Variants in KIF21B observed in about 807,000 individuals in gnomAD.
KIF21B encodes kinesin-like protein KIF21B.
In KIF21B, 85 loss-of-function variants were observed where a neutral mutation model predicts 192.9. The observed-to-expected ratio is 0.44, with a 90% CI of 0.37 to 0.53. KIF21B has a LOEUF of 0.53. Ranked by LOEUF, KIF21B falls within the 20% of genes least tolerant of loss-of-function variation. The probability of loss-of-function intolerance (pLI) is 0.00; values close to 1 mark genes in which losing one functional copy is unlikely to be tolerated. For missense variants in KIF21B, 1,716 were observed against 2,194.8 expected (o/e 0.78, Z 4.36); for synonymous variants, 832 against 884.6 (o/e 0.94, Z 1.05).
In KIF21B at chr1:200,990,115, A is replaced by G. The variant is rs747330652; in HGVS notation, c.3030+23T>C. The G allele has an allele frequency of 6.2e-7, 1 of 1,610,864 alleles. No individual in the cohort carries two copies. The highest frequency in any genetic ancestry group is 1.7e-5 in the Admixed American group (1 of 59,926). On this transcript the variant is annotated intron_variant, in intron 20 of 34. Transcript: ENST00000461742. This position sits in a 1 kb window ranked among gnomAD's most constrained non-coding sequence, Gnocchi z 5.4. ...CACCCATCTCTCCCGCCTCCGCCCC[A>G]GCAGGCCCAGCCCTGCGGATACCTT... is the stretch of plus-strand genomic sequence containing the variant.
intron 15 of KIF21B, among the ~76,000 whole-genome samples, chr1:200,994,909 C>T (rs896396178): frequency 9.2e-5 from 14 of 152,364 alleles, no homozygotes; most frequent in African/African-American, 2.9e-4. Context: ...TGAGTCCACA[C>T]TTGAGTCTCA....
rs296564 is a variant in KIF21B, at chr1:200,975,036, C to A, written c.4615-123G>T. On this transcript the variant is annotated intron_variant, in intron 33 of 34. Transcript: ENST00000461742. This position sits in a 1 kb window ranked among gnomAD's most constrained non-coding sequence, Gnocchi z 4.3. ...TCCCCTGGCCTCTAGAGCTGCCACACGGGCGGGTGACACTGGTTCCAGGAG... is the reference window on the plus strand; with the variant it reads ...TCCCCTGGCCTCTAGAGCTGCCACAAGGGCGGGTGACACTGGTTCCAGGAG... 2 of 959,806 alleles carry A rather than the reference C, an allele frequency of 2.1e-6. No individual in the cohort carries two copies. Among genetic ancestry groups the A allele is most frequent in the Admixed American group, 4.4e-5 (2 of 45,716 alleles). 59.5% of individuals were successfully genotyped at this position (959,806 alleles called of 1,614,324 possible). A position where few individuals can be genotyped will look rare whatever the true frequency, so the allele number is the denominator to read the frequency against.
In KIF21B at chr1:200,999,166, A is replaced by C. The variant is rs1336802171; in HGVS notation, c.1885+183T>G. ...GGTTAAGGTAAGCACAGTGCCTGGC[A>C]CCTAATGAACGACCAGGAAGTGTTT... On this transcript the variant is annotated intron_variant, in intron 13 of 34. Transcript: ENST00000461742. This position sits in a 1 kb window ranked among gnomAD's most constrained non-coding sequence, Gnocchi z 4.7. Among the ~76,000 whole-genome samples the C allele has an allele frequency of 6.6e-6, 1 of 152,144 alleles. No individual in the cohort carries two copies. The highest frequency in any genetic ancestry group is 2.4e-5 in the African/African-American group (1 of 41,412).
intron 21 of KIF21B, 151 bp downstream of exon 21, chr1:200,989,791 G>C (rs1020336199): frequency 3.2e-6 from 2 of 615,684 alleles, no homozygotes; most frequent in African/African-American, 3.7e-5. Flanking sequence ...CTTTACAGCT[G>C]TGGCATGGGA....
At chr1:200,977,628 G>T (rs1655644014) in intron 30 of KIF21B, among the ~76,000 whole-genome samples, 2 of 152,128 alleles carry the variant, frequency 1.3e-5, no homozygotes, top group Non-Finnish European at 2.9e-5. Flanking sequence ...AGATGGTAAG[G>T]CTCAGTCATG....
At position 201,000,645 on chromosome 1, in the gene KIF21B, C is replaced by T; in HGVS notation, c.1467-37G>A. 1 of 1,613,068 alleles carries T rather than the reference C, an allele frequency of 6.2e-7. No individual in the cohort carries two copies. The highest frequency in any genetic ancestry group is 1.1e-5 in the South Asian group (1 of 91,074). Reference sequence around the variant, plus strand: ...GAACGAGTGGACGGGGCCGAGTGAGCTGCCACAGCCCTTGGCGTCACCTGG... The same window carrying T: ...GAACGAGTGGACGGGGCCGAGTGAGTTGCCACAGCCCTTGGCGTCACCTGG... On this transcript the variant is annotated intron_variant, in intron 10 of 34. Coordinates refer to ENST00000461742, the MANE Select transcript of KIF21B (RefSeq NM_001252102.2). This position sits in a 1 kb window ranked among gnomAD's most constrained non-coding sequence, Gnocchi z 6.0.
At chr1:200,978,739 T>C (rs1377799929) in intron 30 of KIF21B, among the ~76,000 whole-genome samples, 1 of 152,224 alleles carries the variant, frequency 6.6e-6, no homozygotes, top group Non-Finnish European at 1.5e-5. Flanking sequence ...CAGATTGGAG[T>C]GCAGTGGCAC....
chr1:200,992,190 G>T, intron 16 of KIF21B, 92 bp downstream of exon 16: 1 of 1,069,242 alleles, frequency 9.4e-7, no homozygotes, highest in Non-Finnish European at 1.4e-6. Context: ...GGAGACTGAG[G>T]CCCGCTTGGT....
intron 9 of KIF21B, 91 bp downstream of exon 9, chr1:201,002,070 G>C: frequency 3.5e-6 from 4 of 1,138,230 alleles, no homozygotes; most frequent in Non-Finnish European, 5.1e-6. Context: ...TGACTGGCTG[G>C]CTTAGTCCAC....
intron 27 of KIF21B, among the ~76,000 whole-genome samples, chr1:200,983,603 G>A (rs759900593): frequency 1.3e-5 from 2 of 152,216 alleles, no homozygotes; most frequent in African/African-American, 4.8e-5. Flanking sequence ...CACTGGGACA[G>A]TGCCTAGAAG....
In KIF21B at chr1:200,999,814, G is replaced by T; in HGVS notation, c.1767+69C>A. On this transcript the variant is annotated intron_variant, in intron 12 of 34. Transcript: ENST00000461742. The surrounding 1 kb of genome is among the most constrained non-coding windows in gnomAD (Gnocchi z 4.7). ...TCACTCCATACAAGGATGCGGATGG[G>T]GCCCCCGCCAACCCCAGCAGGGACA... 6.4e-7 allele frequency: 1 copy of T among 1,553,898 alleles called. No homozygotes were observed. The highest frequency in any genetic ancestry group is 8.8e-7 in the Non-Finnish European group (1 of 1,131,192).
In KIF21B at chr1:200,999,353, C is replaced by G. The variant is rs775513951; in HGVS notation, c.1881G>C (p.Glu627Asp). 1 of 1,614,154 alleles carries G rather than the reference C, an allele frequency of 6.2e-7. No homozygotes were observed. Among genetic ancestry groups the G allele is most frequent in the Admixed American group, 1.7e-5 (1 of 60,020 alleles). ...CCACAGCTCAGGCCCACGCACCCTT[C>G]TCCTCGGGGTCTGAGTCTGAGTCCA... ...SLVDSDSDPE[E>D]KEVNFQADLA... The change falls in exon 13 of 35, where the codon GAG becomes GAC. Residue 627 changes from glutamate to aspartate, a missense_variant. Glu to Asp is a conservative substitution (Grantham distance 45). This residue lies in a region of KIF21B where 1,087 missense variants were observed against 1,316.6 expected (regional missense o/e 0.83). Transcript: ENST00000461742. The surrounding 1 kb of genome is among the most constrained non-coding windows in gnomAD (Gnocchi z 4.7).
chr1:200,993,592 A>G (rs982413714), intron 15 of KIF21B, among the ~76,000 whole-genome samples: 3 of 152,032 alleles, frequency 2.0e-5, no homozygotes, highest in African/African-American at 7.2e-5. Context: ...AACAAAAATA[A>G]TACAAAAACT....
chr1:200,989,687 T>A (rs1558007108), intron 21 of KIF21B, among the ~76,000 whole-genome samples: 1 of 152,244 alleles, frequency 6.6e-6, no homozygotes, highest in Non-Finnish European at 1.5e-5. Flanking sequence ...ACAGAGGCCC[T>A]GTTGTGTGCC....
intron 6 of KIF21B, 82 bp from the exon 7 acceptor site, chr1:201,004,537 G>A: frequency 1.6e-6 from 2 of 1,269,432 alleles, no homozygotes; most frequent in South Asian, 2.6e-5. Flanking sequence ...CAACCCATCT[G>A]TACCTGCCTC....
At chr1:200,983,141 CA>C (rs1381534621) in intron 27 of KIF21B, 47 bp from the exon 28 acceptor site, 1 of 1,495,376 alleles carries the variant, frequency 6.7e-7, no homozygotes, top group Non-Finnish European at 9.0e-7. Flanking sequence ...AGAGGAGACA[CA>C]CACAGAGGGA....
intron 26 of KIF21B, 150 bp downstream of exon 26, chr1:200,986,694 G>T: frequency 3.0e-6 from 2 of 672,946 alleles, no homozygotes; most frequent in South Asian, 1.9e-5. Flanking sequence ...GTGGGGAAGG[G>T]ACCACTGGGT....
At chr1:200,977,009 G>A (rs756873893) in intron 31 of KIF21B, 116 bp from the exon 32 acceptor site, 162 of 969,900 alleles carry the variant, frequency 1.7e-4, no homozygotes, top group Middle Eastern at 3.4e-4. Context: ...CTCCCCTCTC[G>A]CTCAAGGCAA....
intron 31 of KIF21B, 27 bp from the exon 32 acceptor site, chr1:200,976,920 G>T: frequency 7.1e-6 from 11 of 1,552,416 alleles, no homozygotes; most frequent in Non-Finnish European, 9.7e-6. Context: ...CCCAGCCAGG[G>T]GTAGGTGAAT....
Sources: allele counts gnomAD v4.1 joint callset (sites outside exome capture counted in the v4.1 genomes callset), GRCh38; gene constraint gnomAD v4.1.1; regional missense constraint gnomAD v4.1.1; non-coding constraint Gnocchi (gnomAD v3.1); transcripts MANE v1.5; gene names NCBI Gene and HGNC (gene_info 2026-07-23, HGNC 2026-07-21).